The following PLXNA4 variants were observed in gnomAD, a reference collection of about 807,000 sequenced individuals.
PLXNA4 encodes the protein plexin A4, also known as plexin-A4.
PLXNA4 carries 44 observed loss-of-function variants against 191.8 expected under a neutral mutation model. The observed-to-expected ratio is 0.23, with a 90% CI of 0.18 to 0.29. The LOEUF (loss-of-function observed/expected upper bound fraction) is 0.29. Among genes scored for constraint, PLXNA4 ranks in the 10% least tolerant of loss-of-function variants. The pLI is 1.00. For missense variants in PLXNA4, 1,800 were observed against 2,488.8 expected, an observed-to-expected ratio of 0.72 and a Z score of 5.89; for synonymous variants, 1,082 against 1,009.5, an observed-to-expected ratio of 1.07 and a Z score of -1.36.
intron 5 of PLXNA4, among the ~76,000 whole-genome samples, chr7:132,230,184 T>A (rs531538437): frequency 3.9e-5 from 6 of 152,298 alleles, no homozygotes; most frequent in Non-Finnish European, 7.4e-5. Context: ...CTCATAACAA[T>A]GCTGCAACAA....
intron 3 of PLXNA4, among the ~76,000 whole-genome samples, chr7:132,419,485 G>A (rs2117134089): frequency 6.6e-6 from 1 of 152,322 alleles, no homozygotes; most frequent in Middle Eastern, 3.4e-3. Context: ...TTCAGCTCAT[G>A]ACTGAGAATA....
At chr7:132,130,693 G>T in intron 31 of PLXNA4, 119 bp from the exon 32 acceptor site, 3 of 1,452,426 alleles carry the variant, frequency 2.1e-6, no homozygotes, top group Non-Finnish European at 2.8e-6. Flanking sequence ...GCATGTGCAG[G>T]GGCACACAGG....
intron 1 of PLXNA4, among the ~76,000 whole-genome samples, chr7:132,563,513 C>T (rs1397683369): frequency 1.4e-4 from 6 of 43,750 alleles, no homozygotes; most frequent in African/African-American, 1.8e-4. Context: ...TCCTCCTCCT[C>T]CTGCTGCTCC....
intron 29 of PLXNA4, 30 bp downstream of exon 29, chr7:132,145,089 C>G: frequency 6.2e-7 from 1 of 1,613,324 alleles, no homozygotes; most frequent in Non-Finnish European, 8.5e-7. Flanking sequence ...TCAGGGCTCC[C>G]GATGTGCCCC....
intron 1 of PLXNA4, among the ~76,000 whole-genome samples, chr7:132,517,172 T>C (rs558492932): frequency 1.4e-4 from 21 of 152,298 alleles, no homozygotes; most frequent in African/African-American, 5.1e-4. Context: ...ACAAATAACA[T>C]GCGCTTCCCT....
rs1191903009 is a variant in PLXNA4, at chr7:132,124,942, T to C, written c.*5537A>G. The C allele has an allele frequency of 6.6e-6, 1 of 152,170 alleles. No homozygotes were observed. Among genetic ancestry groups the C allele is most frequent in the Admixed American group, 6.5e-5 (1 of 15,284 alleles). The allele number at this position is 152,170 out of a possible 1,614,324, so 9.4% of individuals were successfully genotyped here. A position where few individuals can be genotyped will look rare whatever the true frequency, so the allele number is the denominator to read the frequency against. ...AATTTAATCGGGATCCTAATGAGTA[T>C]GTATTTCTCTTACAACCAAAAAATT... On this transcript the variant is annotated 3_prime_UTR_variant, in exon 32 of 32. Coordinates refer to ENST00000321063, the MANE Select transcript of PLXNA4 (RefSeq NM_020911.2).
rs1271255039 is a variant in PLXNA4 at position 132,564,108 on chromosome 7, TCTC to T, written c.-87+12311_-87+12313del. On this transcript the variant is annotated intron_variant, in intron 1 of 31. Transcript: ENST00000321063. ...TTCTCTTCCTCCTCCTCCTCCTCCT[TCTC>T]CTCCTCCTCTTCTTTCTCCTCCTCC... 1.7e-4 allele frequency among the ~76,000 whole-genome samples: 13 copies of T among 75,568 alleles called. 1 individual carries two copies. The highest frequency in any genetic ancestry group is 4.3e-4 in the Admixed American group (3 of 7,030). 49.6% of individuals were successfully genotyped at this position (75,568 alleles called of 152,430 possible).
chr7:132,444,679 G>A (rs1479845717), intron 3 of PLXNA4, among the ~76,000 whole-genome samples: 4 of 152,120 alleles, frequency 2.6e-5, no homozygotes, highest in Non-Finnish European at 4.4e-5. Context: ...TGTGTGTGTT[G>A]GTGTGGGAGG....
intron 3 of PLXNA4, among the ~76,000 whole-genome samples, chr7:132,486,310 G>C (rs528985745): frequency 7.9e-4 from 121 of 152,356 alleles, no homozygotes; most frequent in South Asian, 7.5e-3. Context: ...GGAAAAGCAA[G>C]TCAGAATTAT....
intron 2 of PLXNA4, among the ~76,000 whole-genome samples, chr7:132,605,476 G>C (rs1250834691): frequency 6.6e-6 from 1 of 152,142 alleles, no homozygotes; most frequent in Non-Finnish European, 1.5e-5. Flanking sequence ...ATAAGTGGTG[G>C]AAAGGTCAAG....
chr7:132,206,844 A>G (rs946232127), intron 10 of PLXNA4, among the ~76,000 whole-genome samples: 2 of 152,126 alleles, frequency 1.3e-5, no homozygotes, highest in African/African-American at 4.8e-5. Flanking sequence ...GCTCTCTGTA[A>G]TCAGCAGGCA....
At chr7:132,245,314 C>T (rs1464844992) in intron 4 of PLXNA4, among the ~76,000 whole-genome samples, 1 of 152,138 alleles carries the variant, frequency 6.6e-6, no homozygotes, top group Non-Finnish European at 1.5e-5. Context: ...TGTCCCCTGG[C>T]CACCAGACTC....
At chr7:132,547,992 A>C (rs935390688) in intron 1 of PLXNA4, among the ~76,000 whole-genome samples, 10 of 152,202 alleles carry the variant, frequency 6.6e-5, no homozygotes, top group African/African-American at 2.4e-4. Context: ...GAACACGAGT[A>C]GATCTAATGC....
At chr7:132,206,459 TG>T in intron 10 of PLXNA4, among the ~76,000 whole-genome samples, 1 of 151,882 alleles carries the variant, frequency 6.6e-6, no homozygotes, top group East Asian at 1.9e-4. Context: ...TGTGTGTGTG[TG>T]TGTGTGTGTG....
intron 2 of PLXNA4, among the ~76,000 whole-genome samples, chr7:132,500,604 GGAA>G (rs1002428843): frequency 2.0e-5 from 3 of 151,414 alleles, no homozygotes; most frequent in Non-Finnish European, 4.4e-5. Context: ...TATTGGTGAA[GGAA>G]AAAAAATTCT....
rs114986077 is a variant in PLXNA4, at chr7:132,261,235, A to G, written c.1504-20069T>C. ...GCTGCTGCAAAGGCTGAGGGACCCA[A>G]TGTGGAGAGCCAAGGTTGGGAAGGA... On this transcript the variant is annotated intron_variant, in intron 4 of 31. Transcript: ENST00000321063. Among the ~76,000 whole-genome samples, 751 of 152,298 alleles carry G rather than the reference A, an allele frequency of 4.9e-3. 8 individuals carry two copies. The highest frequency in any genetic ancestry group is 0.016 in the African/African-American group (684 of 41,562).
At chr7:132,196,512 T>C (rs1435772883) in intron 13 of PLXNA4, among the ~76,000 whole-genome samples, 1 of 152,244 alleles carries the variant, frequency 6.6e-6, no homozygotes, top group African/African-American at 2.4e-5. Flanking sequence ...CAATAATTTA[T>C]TGAACTGAGG....
At chr7:132,159,182 C>T (rs969413001) in intron 25 of PLXNA4, among the ~76,000 whole-genome samples, 1 of 152,166 alleles carries the variant, frequency 6.6e-6, no homozygotes, top group African/African-American at 2.4e-5. Flanking sequence ...CACCCCTCTG[C>T]TATTCAAAGG....
intron 4 of PLXNA4, among the ~76,000 whole-genome samples, chr7:132,296,406 C>T (rs145509324): frequency 2.0e-5 from 3 of 151,692 alleles, no homozygotes; most frequent in East Asian, 1.9e-4. Context: ...ACTCATATTA[C>T]CAGCTTATAC....
Sources: allele counts gnomAD v4.1 joint callset (sites outside exome capture counted in the v4.1 genomes callset), GRCh38; gene constraint gnomAD v4.1.1; transcripts MANE v1.5; gene names NCBI Gene and HGNC (gene_info 2026-07-23, HGNC 2026-07-21).